Variants in NFIB observed in about 807,000 individuals in gnomAD.
NFIB encodes nuclear factor 1 B-type.
A neutral mutation model predicts 61.5 loss-of-function variants in NFIB; 11 were observed. That is an observed-to-expected ratio of 0.18 (90% CI 0.11 to 0.30). The LOEUF (loss-of-function observed/expected upper bound fraction) is 0.30. Among genes scored for constraint, NFIB ranks in the 10% least tolerant of loss-of-function variants. The probability of loss-of-function intolerance (pLI) is 1.00; values close to 1 mark genes in which losing one functional copy is unlikely to be tolerated. For synonymous variants in NFIB, 260 were observed against 216.5 expected (o/e 1.20, Z -1.76); for missense variants, 471 against 608.9 (o/e 0.77, Z 2.38).
the NFIB span, among the ~76,000 whole-genome samples, chr9:14,460,992 G>C: frequency 1.4e-5 from 2 of 147,574 alleles, no homozygotes; most frequent in Admixed American, 1.4e-4. Context: ...CTTTTCTTTT[G>C]GCTTAGAGGA....
intron 1 of NFIB, among the ~76,000 whole-genome samples, chr9:14,373,641 AGTGTGTGTGTGTGTGT>A (rs56764067): frequency 2.1e-5 from 3 of 143,148 alleles, no homozygotes; most frequent in Admixed American, 7.1e-5. Flanking sequence ...TGTCCACATG[AGTGTGTGTGTGTGTGT>A]GTGTGTGTGT....
chr9:14,278,525 C>A (rs988610605), intron 2 of NFIB, among the ~76,000 whole-genome samples: 1 of 152,202 alleles, frequency 6.6e-6, no homozygotes, highest in African/African-American at 2.4e-5. Flanking sequence ...TCCCCTCAGG[C>A]TGCCTCAATG....
chr9:14,102,309 C>G (rs1399317488), intron 10 of NFIB: 5 of 911,354 alleles, frequency 5.5e-6, no homozygotes, highest in African/African-American at 3.3e-5. Context: ...ATGGCATAGC[C>G]AAAACAACTA....
the NFIB span, among the ~76,000 whole-genome samples, chr9:14,509,400 C>T: frequency 6.6e-6 from 1 of 152,200 alleles, no homozygotes; most frequent in Non-Finnish European, 1.5e-5. Context: ...GAAAACCATA[C>T]CATTCCTTGC....
rs374046149 is a variant in NFIB, at chr9:14,204,027, G to A, written c.563-24247C>T. 1.9e-4 allele frequency among the ~76,000 whole-genome samples: 29 copies of A among 152,228 alleles called. No individual in the cohort carries two copies. In the South Asian group the frequency reaches 6.0e-3, roughly 32 times the overall value. On this transcript the variant is annotated intron_variant, in intron 2 of 10. Transcript: ENST00000380953. ...AAGCCAACACTTTCCCATTTGCAAT[G>A]GCATGATTTTGACATAAACTTATAA... is the stretch of plus-strand genomic sequence containing the variant.
intron 2 of NFIB, among the ~76,000 whole-genome samples, chr9:14,284,093 C>T (rs953577764): frequency 6.6e-6 from 1 of 152,134 alleles, no homozygotes; most frequent in Non-Finnish European, 1.5e-5. Flanking sequence ...TCTGACTCTG[C>T]CTCTTACTAG....
At chr9:14,238,831 T>C (rs973430687) in intron 2 of NFIB, among the ~76,000 whole-genome samples, 8 of 152,172 alleles carry the variant, frequency 5.3e-5, no homozygotes, top group Non-Finnish European at 1.2e-4. Flanking sequence ...AACCGAGATA[T>C]AAATCTGTGG....
At chr9:14,281,480 A>G (rs1372889522) in intron 2 of NFIB, among the ~76,000 whole-genome samples, 3 of 152,214 alleles carry the variant, frequency 2.0e-5, no homozygotes, top group Admixed American at 2.0e-4. Flanking sequence ...TTGTAAAACC[A>G]AAAGAATGTA....
At chr9:14,349,190 T>A (rs763087341) in intron 1 of NFIB, among the ~76,000 whole-genome samples, 11 of 152,186 alleles carry the variant, frequency 7.2e-5, no homozygotes, top group Non-Finnish European at 1.5e-4. Flanking sequence ...GCAGTCTTTG[T>A]AGCCTGTTGG....
intron 10 of NFIB, 145 bp downstream of exon 10, chr9:14,112,854 G>C: frequency 1.5e-6 from 1 of 669,660 alleles, no homozygotes; most frequent in Non-Finnish European, 2.5e-6. Context: ...GGATCAATGA[G>C]AAAAAATTCT....
At chr9:14,244,259 G>A (rs764557338) in intron 2 of NFIB, among the ~76,000 whole-genome samples, 9 of 152,116 alleles carry the variant, frequency 5.9e-5, no homozygotes, top group Non-Finnish European at 1.2e-4. Context: ...AATTCAGTTT[G>A]TACAACATAA....
intron 2 of NFIB, among the ~76,000 whole-genome samples, chr9:14,261,341 CTT>C (rs1563954266): frequency 6.6e-6 from 1 of 152,082 alleles, no homozygotes; most frequent in Non-Finnish European, 1.5e-5. Flanking sequence ...AAAAGGCAAA[CTT>C]GATGAAAAGG....
At position 14,220,842 on chromosome 9, in the gene NFIB, T is replaced by TACACCCACCCCC. The variant is rs762429739; in HGVS notation, c.563-41063_563-41062insGGGGGTGGGTGT. Among the ~76,000 whole-genome samples the TACACCCACCCCC allele has an allele frequency of 6.3e-3, 775 of 123,080 alleles. 17 individuals carry two copies. In the East Asian group the frequency reaches 0.098, roughly 16 times the overall value. The allele number at this position is 123,080 out of a possible 152,430, so 80.7% of individuals were successfully genotyped here. On this transcript the variant is annotated intron_variant, in intron 2 of 10. Transcript: ENST00000380953. ...CTATATCCAGTGAAATCAATCTCCCTACACACACACACACACACACACACA... is the reference window on the plus strand; with the variant it reads ...CTATATCCAGTGAAATCAATCTCCCTACACCCACCCCCACACACACACACACACACACACACA...
At chr9:14,187,296 T>C (rs2131520768) in intron 2 of NFIB, among the ~76,000 whole-genome samples, 2 of 152,286 alleles carry the variant, frequency 1.3e-5, no homozygotes, top group Admixed American at 1.3e-4. Flanking sequence ...AACCCAGTTC[T>C]GAGCAATAAG....
At position 14,332,190 on chromosome 9, in the gene NFIB, G is replaced by T. The variant is rs1260070082; in HGVS notation, c.109-24670C>A. Among the ~76,000 whole-genome samples the T allele has an allele frequency of 3.9e-5, 6 of 151,904 alleles. No homozygotes were observed. The South Asian group carries it at 1.3e-3, about 32-fold the overall frequency. Reference sequence around the variant, plus strand: ...TCTACTAAAAATACAAAAACTAACTGGGCGTCGTGGTGGGCGCCTGTAATC... The same window carrying T: ...TCTACTAAAAATACAAAAACTAACTTGGCGTCGTGGTGGGCGCCTGTAATC... On this transcript the variant is annotated intron_variant, in intron 1 of 8. Coordinates refer to the NFIB transcript ENST00000380934.
the NFIB span, among the ~76,000 whole-genome samples, chr9:14,472,029 C>CA: frequency 6.6e-6 from 1 of 152,168 alleles, no homozygotes; most frequent in Non-Finnish European, 1.5e-5. Context: ...CTGCCCTTGG[C>CA]ACTCCTGTAA....
chr9:14,113,145 A>G lies in NFIB; in HGVS notation c.1385-64T>C, dbSNP rs760938469. On this transcript the variant is annotated intron_variant, in intron 9 of 10. Transcript: ENST00000380953. ...AACTATCAGAACGAACACCCTGTCC[A>G]TGTATAAGAAACCCAGAGAAGTGGG... 11 of 1,413,840 alleles carry G rather than the reference A, an allele frequency of 7.8e-6. No individual in the cohort carries two copies. The South Asian group carries it at 8.2e-5, about 11-fold the overall frequency. 87.6% of individuals were successfully genotyped at this position (1,413,840 alleles called of 1,614,324 possible). A position where few individuals can be genotyped will look rare whatever the true frequency, so the allele number is the denominator to read the frequency against.
intron 2 of NFIB, among the ~76,000 whole-genome samples, chr9:14,287,779 G>A (rs1008422124): frequency 6.6e-6 from 1 of 151,936 alleles, no homozygotes; most frequent in African/African-American, 2.4e-5. Flanking sequence ...CTATATTCTG[G>A]AAGAGGCATC....
chr9:14,435,603 AC>A, the NFIB span, among the ~76,000 whole-genome samples: 2 of 152,402 alleles, frequency 1.3e-5, no homozygotes, highest in East Asian at 3.8e-4. Flanking sequence ...AATGTTAGTT[AC>A]ATTACTATAA....
Sources: gnomAD v4.1 joint callset for allele counts (sites outside exome capture counted in the v4.1 genomes callset) on GRCh38, gnomAD v4.1.1 for gene constraint, MANE v1.5 for transcripts, NCBI Gene and HGNC (gene_info 2026-07-23, HGNC 2026-07-21) for gene names.